Variants in PLEKHG1 observed in about 807,000 individuals in gnomAD.
PLEKHG1 encodes pleckstrin homology and RhoGEF domain containing G1, also known as pleckstrin homology domain-containing family G member 1.
Under a neutral mutation model 100.8 loss-of-function variants are expected in PLEKHG1, and 44 were observed. That is an observed-to-expected ratio of 0.44 (90% CI 0.34 to 0.56). The LOEUF is 0.56. PLEKHG1 is among the 20% of genes least tolerant of loss of function. PLEKHG1 has a pLI of 0.01. For missense variants in PLEKHG1, 1,545 were observed against 1,720.9 expected, an observed-to-expected ratio of 0.90 and a Z score of 1.81; for synonymous variants, 640 against 662.5, an observed-to-expected ratio of 0.97 and a Z score of 0.52.
chr6:150,658,557 G>A (rs1779060014), intron 3 of PLEKHG1, among the ~76,000 whole-genome samples: 1 of 152,148 alleles, frequency 6.6e-6, no homozygotes, highest in African/African-American at 2.4e-5. Flanking sequence ...ATTTGTCTAT[G>A]GTTTCCCTTT....
At chr6:150,607,266 A>G (rs1239293177) in intron 1 of PLEKHG1, among the ~76,000 whole-genome samples, 1 of 152,066 alleles carries the variant, frequency 6.6e-6, no homozygotes, top group East Asian at 1.9e-4. Context: ...AATGGGGAAG[A>G]GGTGAGGACC....
intron 2 of PLEKHG1, among the ~76,000 whole-genome samples, chr6:150,761,723 T>G (rs1489848660): frequency 6.6e-6 from 1 of 152,248 alleles, no homozygotes; most frequent in Non-Finnish European, 1.5e-5. Context: ...TGTTTTTGCT[T>G]AAAGTCTTTA....
At chr6:150,673,226 CA>C (rs930567576) in intron 3 of PLEKHG1, among the ~76,000 whole-genome samples, 3 of 151,848 alleles carry the variant, frequency 2.0e-5, no homozygotes, top group African/African-American at 7.3e-5. Flanking sequence ...ATACAAGTTC[CA>C]AAAAAAACTT....
rs78082907 is a variant in PLEKHG1 at position 150,631,420 on chromosome 6, G to T, written c.-203-6660G>T. ...CAATGGGTGCTGCTGTCCTTTGGGG[G>T]ACACCCCATCCCCTACACACAGGGA... On this transcript the variant is annotated intron_variant, in intron 1 of 3. Transcript: ENST00000367326. 6.8e-3 allele frequency among the ~76,000 whole-genome samples: 1,029 copies of T among 152,282 alleles called. 5 individuals carry two copies. Among genetic ancestry groups the T allele is most frequent in the Non-Finnish European group, 0.011 (731 of 68,020 alleles).
exon 15 of PLEKHG1, chr6:150,832,076 A>C (rs1562564631): frequency 2.5e-6 from 4 of 1,614,186 alleles, no homozygotes; most frequent in Non-Finnish European, 3.4e-6. Flanking sequence ...GAAGATTAAG[A>C]AGGCGAATCA....
intron 3 of PLEKHG1, among the ~76,000 whole-genome samples, chr6:150,704,063 G>A (rs1780908502): frequency 6.6e-6 from 1 of 151,170 alleles, no homozygotes; most frequent in Non-Finnish European, 1.5e-5. Flanking sequence ...AACTTTATCG[G>A]TGCTGAGTTT....
At chr6:150,599,926 GCTCCGGCAGCCC>G in exon 1 of PLEKHG1, 1 of 194,544 alleles carries the variant, frequency 5.1e-6, no homozygotes. Context: ...GCTGCAGGGC[GCTCCGGCAGCCC>G]GAGCCGGCGC....
intron 3 of PLEKHG1, among the ~76,000 whole-genome samples, chr6:150,694,603 G>A (rs1451888515): frequency 2.6e-5 from 4 of 151,880 alleles, no homozygotes; most frequent in African/African-American, 9.7e-5. Flanking sequence ...GGGAGGATGA[G>A]GCGGGAGAAT....
intron 1 of PLEKHG1, among the ~76,000 whole-genome samples, chr6:150,634,052 A>AC (rs1454794994): frequency 5.9e-5 from 9 of 151,654 alleles, no homozygotes; most frequent in African/African-American, 2.2e-4. Flanking sequence ...GACCAGCCTG[A>AC]CCTACATAGA....
chr6:150,809,023 T>G, intron 7 of PLEKHG1, 82 bp from the exon 9 acceptor site: 2 of 1,213,176 alleles, frequency 1.6e-6, no homozygotes, highest in Non-Finnish European at 2.4e-6. Context: ...GCACCATTCT[T>G]GAGGCTCAAC....
chr6:150,655,632 T>C (rs1778933569), intron 3 of PLEKHG1, among the ~76,000 whole-genome samples: 1 of 134,492 alleles, frequency 7.4e-6, no homozygotes, highest in Non-Finnish European at 1.5e-5. Flanking sequence ...GGTGTGAACC[T>C]GGGAGGTGGA....
At chr6:150,724,702 T>C (rs1258722420) in intron 1 of PLEKHG1, among the ~76,000 whole-genome samples, 1 of 151,620 alleles carries the variant, frequency 6.6e-6, no homozygotes, top group Non-Finnish European at 1.5e-5. Flanking sequence ...TGGGATTACA[T>C]GCACCTGCCA....
At chr6:150,608,955 A>G (rs1776713293) in intron 1 of PLEKHG1, among the ~76,000 whole-genome samples, 1 of 152,204 alleles carries the variant, frequency 6.6e-6, no homozygotes, top group African/African-American at 2.4e-5. Context: ...TGGGTATCTT[A>G]TTGTGTTTAC....
At chr6:150,682,882 G>A (rs985366758) in intron 3 of PLEKHG1, among the ~76,000 whole-genome samples, 1 of 152,182 alleles carries the variant, frequency 6.6e-6, no homozygotes, top group African/African-American at 2.4e-5. Flanking sequence ...AGCTCCTGGA[G>A]CACCACCCAC....
intron 13 of PLEKHG1, among the ~76,000 whole-genome samples, chr6:150,822,741 A>C (rs1314160371): frequency 6.6e-6 from 1 of 152,244 alleles, no homozygotes; most frequent in Non-Finnish European, 1.5e-5. Flanking sequence ...ACACTTTGGG[A>C]GGCCGAGGAG....
intron 1 of PLEKHG1, chr6:150,605,934 A>G (rs1305355395): frequency 3.3e-5 from 5 of 152,202 alleles, no homozygotes; most frequent in Non-Finnish European, 5.9e-5. Context: ...ATAAATACCC[A>G]TTGAATAAAT....
chr6:150,801,061 C>G (rs374136424), intron 6 of PLEKHG1, among the ~76,000 whole-genome samples, 192 bp downstream of exon 7: 6 of 152,222 alleles, frequency 3.9e-5, no homozygotes, highest in African/African-American at 1.4e-4. Context: ...CCATTGACAA[C>G]AGCCAAGAGA....
In PLEKHG1 at chr6:150,696,311, G is replaced by A. The variant is rs190984271; in HGVS notation, c.-98-37273G>A. Among the ~76,000 whole-genome samples the A allele has an allele frequency of 2.6e-5, 4 of 152,284 alleles. No homozygotes were observed. In the East Asian group the frequency reaches 5.8e-4, roughly 22 times the overall value. On this transcript the variant is annotated intron_variant, in intron 3 of 3. Transcript: ENST00000367326. ...GGGAGAAGCAGAGGGCTCTTTGAGC[G>A]ACGTCTGCTTCCCCCTCTCCCTGAA... is the stretch of plus-strand genomic sequence containing the variant.
intron 3 of PLEKHG1, among the ~76,000 whole-genome samples, chr6:150,679,737 C>A (rs4869926): frequency 1.3e-5 from 2 of 152,026 alleles, no homozygotes; most frequent in Admixed American, 6.6e-5. Flanking sequence ...TCCCTGCCAC[C>A]CCATCAGTAT....
Sources: allele counts gnomAD v4.1 joint callset (sites outside exome capture counted in the v4.1 genomes callset), GRCh38; gene constraint gnomAD v4.1.1; transcripts MANE v1.5; gene names NCBI Gene and HGNC (gene_info 2026-07-23, HGNC 2026-07-21).